KIAA0753: variants seen among roughly 807,000 people sequenced by gnomAD.
The protein encoded by KIAA0753 is KIAA0753.
KIAA0753 carries 114 observed loss-of-function variants against 116.9 expected under a neutral mutation model. That is an observed-to-expected ratio of 0.98 (90% confidence interval 0.84 to 1.14). The LOEUF is 1.14. Ranked by LOEUF, KIAA0753 falls within the 50% of genes most tolerant of loss-of-function variation. KIAA0753 has a pLI of 0.00. For missense variants in KIAA0753, 1,156 were observed against 1,172.4 expected, an observed-to-expected ratio of 0.99 and a Z score of 0.20; for synonymous variants, 405 against 413.1, an observed-to-expected ratio of 0.98 and a Z score of 0.24.
chr17:6,620,674 A>T, intron 7 of KIAA0753, 114 bp downstream of exon 7: 1 of 963,288 alleles, frequency 1.0e-6, no homozygotes, highest in Non-Finnish European at 1.6e-6. Context: ...GTTAAAGTTC[A>T]TCTGTTGTGG....
chr17:6,626,863 C>T (rs1971699963), intron 3 of KIAA0753, among the ~76,000 whole-genome samples: 1 of 152,144 alleles, frequency 6.6e-6, no homozygotes, highest in African/African-American at 2.4e-5. Context: ...TCTAACAGTT[C>T]CCCGGTATTA....
chr17:6,603,588 A>G (rs542823422), intron 12 of KIAA0753, among the ~76,000 whole-genome samples: 1 of 152,338 alleles, frequency 6.6e-6, no homozygotes, highest in East Asian at 1.9e-4. Flanking sequence ...ATATGCAAAC[A>G]TAAGAGGACT....
chr17:6,625,395 G>T (rs367890566), intron 3 of KIAA0753, among the ~76,000 whole-genome samples: 2 of 152,102 alleles, frequency 1.3e-5, no homozygotes, highest in Non-Finnish European at 2.9e-5. Flanking sequence ...GGCCAGGAGT[G>T]GTGGCTCACC....
intron 8 of KIAA0753, 48 bp from the exon 9 acceptor site, chr17:6,610,208 A>T: frequency 6.3e-7 from 1 of 1,587,676 alleles, no homozygotes; most frequent in Non-Finnish European, 8.6e-7. Flanking sequence ...TACCAAAGAA[A>T]CTATGGTTTA....
intron 1 of KIAA0753, chr17:6,638,788 C>T (rs1972488849): frequency 6.5e-6 from 1 of 153,074 alleles, no homozygotes; most frequent in African/African-American, 2.4e-5. Context: ...CTGGGGCACC[C>T]TTACCATCTG....
chr17:6,602,881 T>G (rs916196162), intron 12 of KIAA0753, among the ~76,000 whole-genome samples: 3 of 152,002 alleles, frequency 2.0e-5, no homozygotes, highest in African/African-American at 4.8e-5. Context: ...CATGAGAAGA[T>G]AGCCAAGATT....
At chr17:6,623,415 T>A in intron 5 of KIAA0753, 94 bp downstream of exon 5, 1 of 1,003,638 alleles carries the variant, frequency 1.0e-6, no homozygotes. Flanking sequence ...GTACTGAAAA[T>A]AACATTAGTG....
intron 7 of KIAA0753, among the ~76,000 whole-genome samples, chr17:6,620,302 T>C (rs111491559): frequency 0.01 from 1,592 of 152,172 alleles, 8 homozygotes; most frequent in African/African-American, 0.016. Flanking sequence ...AGTCAAGACA[T>C]AAATGTGTGC....
intron 14 of KIAA0753, among the ~76,000 whole-genome samples, chr17:6,597,411 C>T (rs1969558199): frequency 6.6e-6 from 1 of 151,946 alleles, no homozygotes; most frequent in South Asian, 2.1e-4. Context: ...GAATGGAACA[C>T]CAAAAATACT....
At chr17:6,581,446 C>T (rs528328854) in intron 18 of KIAA0753, among the ~76,000 whole-genome samples, 43 of 152,234 alleles carry the variant, frequency 2.8e-4, no homozygotes, top group Admixed American at 1.6e-3. Flanking sequence ...CACTGGGTTA[C>T]GGTGATGTCT....
At chr17:6,585,012 T>A (rs1349602881) in intron 18 of KIAA0753, among the ~76,000 whole-genome samples, 2 of 152,244 alleles carry the variant, frequency 1.3e-5, no homozygotes, top group African/African-American at 4.8e-5. Context: ...TGGGCTGGTA[T>A]CAAACTCCTG....
chr17:6,605,127 T>G (rs1970113880), intron 12 of KIAA0753, among the ~76,000 whole-genome samples: 1 of 145,908 alleles, frequency 6.9e-6, no homozygotes, highest in African/African-American at 2.5e-5. Flanking sequence ...TACATTAGCA[T>G]GTGCTCCATC....
At chr17:6,611,167 C>T (rs1372764020) in intron 8 of KIAA0753, among the ~76,000 whole-genome samples, 1 of 152,144 alleles carries the variant, frequency 6.6e-6, no homozygotes, top group Non-Finnish European at 1.5e-5. Context: ...TAAACAGAAG[C>T]TTAAAATATA....
chr17:6,606,850 C>T (rs1346938110), intron 12 of KIAA0753, 23 bp downstream of exon 12: 1 of 1,599,968 alleles, frequency 6.3e-7, no homozygotes, highest in African/African-American at 1.3e-5. Flanking sequence ...ATCCACTATT[C>T]TTCCTAAGAA....
intron 16 of KIAA0753, among the ~76,000 whole-genome samples, chr17:6,591,039 A>T (rs1968979520): frequency 1.4e-5 from 1 of 69,242 alleles, no homozygotes; most frequent in Non-Finnish European, 2.6e-5. Context: ...AGAAGGAAGA[A>T]GGAAGAAGAA....
chr17:6,605,623 T>C (rs1970147386), intron 12 of KIAA0753, among the ~76,000 whole-genome samples: 1 of 152,054 alleles, frequency 6.6e-6, no homozygotes, highest in Non-Finnish European at 1.5e-5. Context: ...TTAAACAAGA[T>C]ATTGTTAGGG....
intron 1 of KIAA0753, chr17:6,637,443 C>G (rs1325733021): frequency 1.3e-5 from 2 of 152,386 alleles, no homozygotes; most frequent in Non-Finnish European, 2.9e-5. Context: ...CCCCAGAGCC[C>G]GTATCCCCTA....
At position 6,628,245 on chromosome 17, in the gene KIAA0753, C is replaced by A; in HGVS notation, c.590G>T (p.Gly197Val). 1 of 1,614,038 alleles carries A rather than the reference C, an allele frequency of 6.2e-7. No homozygotes were observed. Among genetic ancestry groups the A allele is most frequent in the Non-Finnish European group, 8.5e-7 (1 of 1,180,018 alleles). The change falls in exon 3 of 19, where the codon GGA (glycine) becomes GTA (valine). Residue 197 changes from glycine to valine, a missense_variant. Transcript: ENST00000361413. ...VPNSPPTHDP[G>V]LQPHPRIGDH... Reference sequence around the variant, plus strand: ...ACCTATCCTGGGATGAGGCTGAAGTCCCGGATCATGGGTGGGTGGCGAATT... The same window carrying A: ...ACCTATCCTGGGATGAGGCTGAAGTACCGGATCATGGGTGGGTGGCGAATT...
chr17:6,602,024 C>G (rs1294285000), intron 12 of KIAA0753, among the ~76,000 whole-genome samples: 2 of 152,108 alleles, frequency 1.3e-5, no homozygotes, highest in East Asian at 3.8e-4. Context: ...GAAAAGGTGC[C>G]CAACATCATT....
Sources: gnomAD v4.1 joint callset for allele counts (sites outside exome capture counted in the v4.1 genomes callset) on GRCh38, gnomAD v4.1.1 for gene constraint, MANE v1.5 for transcripts, NCBI Gene and HGNC (gene_info 2026-07-23, HGNC 2026-07-21) for gene names.